DTL: variants seen among roughly 807,000 people sequenced by gnomAD.
DTL encodes the protein denticleless E3 ubiquitin protein ligase adapter.
In DTL, 46 loss-of-function variants were observed where a neutral mutation model predicts 87.0. The ratio of observed to expected loss-of-function variants is 0.53; its 90% CI spans 0.42 to 0.68. DTL has a LOEUF of 0.68. Among genes scored for constraint, DTL ranks in the 30% least tolerant of loss-of-function variants. DTL has a pLI of 0.00. For synonymous variants in DTL, 308 were observed against 311.2 expected, an observed-to-expected ratio of 0.99 and a Z score of 0.11; for missense variants, 737 against 869.4, an observed-to-expected ratio of 0.85 and a Z score of 1.91.
At chr1:212,093,596 C>T (rs946064597) in intron 13 of DTL, among the ~76,000 whole-genome samples, 16 of 152,226 alleles carry the variant, frequency 1.1e-4, no homozygotes, top group East Asian at 3.8e-4. Flanking sequence ...ATCATTCCAC[C>T]GGTTGATGCC....
chr1:212,058,993 G>A (rs1027706592), intron 5 of DTL, among the ~76,000 whole-genome samples: 1 of 151,958 alleles, frequency 6.6e-6, no homozygotes, highest in Non-Finnish European at 1.5e-5. Context: ...AAAGAACTAG[G>A]AAACCTGATC....
chr1:212,066,863 G>A lies in DTL; in HGVS notation c.691G>A (p.Val231Ile). Reference sequence around the variant, plus strand: ...CCTCTTTCAAGACGAGAATACCTTAGTCTCAGCAGGAGCTGTGGATGGGTA... The same window carrying A: ...CCTCTTTCAAGACGAGAATACCTTAATCTCAGCAGGAGCTGTGGATGGGTA... ...VVLFQDENTL[V>I]SAGAVDGIIK... is the part of the protein sequence containing the mutation. The change falls in exon 8 of 15, where the codon GTC becomes ATC. Residue 231 changes from valine (V) to isoleucine (I), a missense_variant. Transcript: ENST00000366991. 1 of 1,613,950 alleles carries A rather than the reference G, an allele frequency of 6.2e-7. No individual in the cohort carries two copies. Among genetic ancestry groups the A allele is most frequent in the East Asian group, 2.2e-5 (1 of 44,868 alleles).
At chr1:212,036,018 G>A (rs1190393122) in intron 1 of DTL, 76 bp downstream of exon 1, 8 of 1,435,840 alleles carry the variant, frequency 5.6e-6, no homozygotes, top group Non-Finnish European at 6.8e-6. Flanking sequence ...CTCCGACCAG[G>A]GCCGACTCCA....
intron 2 of DTL, 80 bp downstream of exon 2, chr1:212,043,198 T>A: frequency 7.2e-7 from 1 of 1,393,320 alleles, no homozygotes; most frequent in Non-Finnish European, 9.6e-7. Flanking sequence ...CTAGAGTATT[T>A]CCCTTTCAAA....
rs1241452607 is a variant in DTL, at chr1:212,103,358, A to T, written c.*418A>T. The T allele has an allele frequency of 6.5e-6, 1 of 152,782 alleles. No homozygotes were observed. The highest frequency in any genetic ancestry group is 2.4e-5 in the African/African-American group (1 of 41,462). 9.5% of individuals were successfully genotyped at this position (152,782 alleles called of 1,614,324 possible). A position where few individuals can be genotyped will look rare whatever the true frequency, so the allele number is the denominator to read the frequency against. ...TGAGGCCTGTGAAGGCTGACTGAGA[A>T]ATCCTCTGCTGAAGACCCCTGGTTC... is the stretch of plus-strand genomic sequence containing the variant. On this transcript the variant is annotated 3_prime_UTR_variant, in exon 15 of 15. Coordinates refer to ENST00000366991, the MANE Select transcript of DTL (RefSeq NM_016448.4).
At chr1:212,082,670 C>T (rs1655021420) in intron 13 of DTL, among the ~76,000 whole-genome samples, 2 of 152,054 alleles carry the variant, frequency 1.3e-5, no homozygotes, top group African/African-American at 4.8e-5. Context: ...ATGAGATGGC[C>T]ATAACTTACA....
At chr1:212,065,792 G>A (rs1463515483) in intron 7 of DTL, among the ~76,000 whole-genome samples, 7 of 152,076 alleles carry the variant, frequency 4.6e-5, no homozygotes, top group Non-Finnish European at 8.8e-5. Flanking sequence ...TGCAAGCACC[G>A]CCTCCCAGGT....
chr1:212,102,877 C>T lies in DTL; in HGVS notation c.2130C>T (p.Cys710=). The change falls in exon 15 of 15, where the codon TGC becomes TGT. Residue 710 remains cysteine (C), a synonymous_variant. Coordinates refer to ENST00000366991, the MANE Select transcript of DTL (RefSeq NM_016448.4). ...TITPSSMRKI[C]TYFHRKSQED... The stretch of plus-strand genomic sequence containing the variant: ...CGCCCAGCTCCATGAGGAAAATCTG[C>T]ACATACTTCCATAGAAAGTCCCAGG... The T allele has an allele frequency of 6.2e-7, 1 of 1,612,658 alleles. No homozygotes were observed. The highest frequency in any genetic ancestry group is 8.5e-7 in the Non-Finnish European group (1 of 1,179,060).
At chr1:212,093,782 G>C (rs1400705571) in intron 13 of DTL, among the ~76,000 whole-genome samples, 1 of 152,210 alleles carries the variant, frequency 6.6e-6, no homozygotes, top group East Asian at 1.9e-4. Flanking sequence ...ACAGGATGGG[G>C]GCGTGGCAGG....
intron 7 of DTL, among the ~76,000 whole-genome samples, chr1:212,066,583 C>A (rs1183693348): frequency 6.6e-6 from 1 of 152,142 alleles, no homozygotes; most frequent in Non-Finnish European, 1.5e-5. Context: ...ATCTTTTAGT[C>A]ACCAGTTTGT....
At chr1:212,058,849 G>A (rs977777060) in intron 5 of DTL, among the ~76,000 whole-genome samples, 2 of 151,838 alleles carry the variant, frequency 1.3e-5, no homozygotes, top group African/African-American at 2.4e-5. Context: ...AAATGAAAAA[G>A]GAAACATTGC....
intron 5 of DTL, among the ~76,000 whole-genome samples, chr1:212,049,220 G>T (rs941163234): frequency 4.6e-5 from 7 of 152,194 alleles, no homozygotes; most frequent in African/African-American, 1.7e-4. Flanking sequence ...ACCATGCCCA[G>T]CCTGGCTTGG....
intron 11 of DTL, among the ~76,000 whole-genome samples, chr1:212,073,307 A>G (rs1473856059): frequency 6.6e-6 from 1 of 152,224 alleles, no homozygotes; most frequent in Non-Finnish European, 1.5e-5. Context: ...ATTATCTTCT[A>G]GATTTCCCTG....
rs144060093 is a variant in DTL, at chr1:212,060,068, AATT to A, written c.461-2809_461-2807del. On this transcript the variant is annotated intron_variant, in intron 5 of 14. Transcript: ENST00000366991. ...GACCTCATGCTCATGGATGGGAAAAAATTATTATTTTTAAAATGGCCATACTAC... is the reference window on the plus strand; with the variant it reads ...GACCTCATGCTCATGGATGGGAAAAAATTATTTTTAAAATGGCCATACTAC... 3.7e-3 allele frequency among the ~76,000 whole-genome samples: 563 copies of A among 152,224 alleles called. 4 individuals carry two copies. Among genetic ancestry groups the A allele is most frequent in the African/African-American group, 0.013 (526 of 41,530 alleles).
At chr1:212,046,759 A>G (rs961117907) in intron 3 of DTL, among the ~76,000 whole-genome samples, 3 of 152,160 alleles carry the variant, frequency 2.0e-5, no homozygotes, top group African/African-American at 7.2e-5. Context: ...ATATGCATGC[A>G]TGTATCTTTA....
At chr1:212,094,447 T>G (rs1394291732) in intron 13 of DTL, among the ~76,000 whole-genome samples, 1 of 152,244 alleles carries the variant, frequency 6.6e-6, no homozygotes, top group Non-Finnish European at 1.5e-5. Flanking sequence ...TCTGTTCTAT[T>G]GCATTGGTCT....
At position 212,078,184 on chromosome 1, in the gene DTL, C is replaced by T; in HGVS notation, c.1047C>T (p.Pro349=). ...TTTGATTGGACTAGGTCTCCACACC[C>T]TGGCAACCTCCTACTGTGCTCCTGG... ...EAAYIWKVST[P]WQPPTVLLGH... Residue 349 remains proline, a synonymous_variant, in exon 12 of 15, where the codon CCC becomes CCT. Transcript: ENST00000366991. 6.2e-7 allele frequency: 1 copy of T among 1,608,622 alleles called. No individual in the cohort carries two copies. The highest frequency in any genetic ancestry group is 8.5e-7 in the Non-Finnish European group (1 of 1,175,186).
chr1:212,068,600 A>G lies in DTL; in HGVS notation c.819A>G (p.Gly273=). The G allele has an allele frequency of 4.4e-6, 7 of 1,605,696 alleles. No homozygotes were observed. Among genetic ancestry groups the G allele is most frequent in the Non-Finnish European group, 6.0e-6 (7 of 1,172,888 alleles). The part of the protein sequence containing the change: ...LYPGSSTRKL[G]YSSLILDSTG... The stretch of plus-strand genomic sequence containing the variant: ...CTAACTTAAGTTTCCTTTTTCCAGG[A>G]TATTCAAGTCTGATTTTGGATTCCA... Residue 273 remains glycine (G), a splice_region_variant and synonymous_variant, in exon 10 of 15, where the codon GGA becomes GGG. Coordinates refer to ENST00000366991, the MANE Select transcript of DTL (RefSeq NM_016448.4).
chr1:212,038,256 A>G (rs1388037190), intron 1 of DTL, among the ~76,000 whole-genome samples: 2 of 152,244 alleles, frequency 1.3e-5, no homozygotes, highest in Non-Finnish European at 2.9e-5. Context: ...CCTCATGAAC[A>G]GTATAACGAA....
Sources: gnomAD v4.1 joint callset for allele counts (sites outside exome capture counted in the v4.1 genomes callset) on GRCh38, gnomAD v4.1.1 for gene constraint, MANE v1.5 for transcripts, NCBI Gene and HGNC (gene_info 2026-07-23, HGNC 2026-07-21) for gene names.